CTNNA2: variants seen among roughly 807,000 people sequenced by gnomAD.
CTNNA2 encodes the protein catenin alpha-2.
Under a neutral mutation model 101.0 loss-of-function variants are expected in CTNNA2, and 42 were observed. That is an observed-to-expected ratio of 0.42 (90% CI 0.32 to 0.54). CTNNA2 has a LOEUF of 0.54. CTNNA2 is among the 20% of genes least tolerant of loss of function. CTNNA2 has a pLI of 0.14. For synonymous variants in CTNNA2, 450 were observed against 456.4 expected, an observed-to-expected ratio of 0.99 and a Z score of 0.18; for missense variants, 871 against 1,223.1, an observed-to-expected ratio of 0.71 and a Z score of 4.29.
intron 1 of CTNNA2, among the ~76,000 whole-genome samples, chr2:79,584,059 A>G (rs2103924293): frequency 6.6e-6 from 1 of 152,218 alleles, no homozygotes; most frequent in African/African-American, 2.4e-5. Flanking sequence ...TGAATGTCTG[A>G]TTGACATTGT....
At chr2:79,839,715 T>C (rs1167651645) in intron 3 of CTNNA2, among the ~76,000 whole-genome samples, 2 of 152,114 alleles carry the variant, frequency 1.3e-5, no homozygotes, top group Non-Finnish European at 2.9e-5. Flanking sequence ...CCTTTGAGAT[T>C]TTATTTCTAT....
chr2:80,587,480 C>A (rs72823776), intron 14 of CTNNA2, among the ~76,000 whole-genome samples: 1,933 of 152,064 alleles, frequency 0.013, 27 homozygotes, highest in Non-Finnish European at 0.022. Flanking sequence ...AATTTGCTGC[C>A]CACCATCACC....
At chr2:79,349,582 A>C (rs1455799693) in intron 3 of CTNNA2, among the ~76,000 whole-genome samples, 3 of 152,228 alleles carry the variant, frequency 2.0e-5, no homozygotes, top group Non-Finnish European at 4.4e-5. Context: ...TTAACATTCT[A>C]TAGATTAGAT....
Position 79,488,824 on chromosome 2 carries a change from C to T in CTNNA2, c.-134-16230C>T, listed in dbSNP as rs140694668. Among the ~76,000 whole-genome samples the T allele has an allele frequency of 3.3e-3, 509 of 152,274 alleles. 6 individuals carry two copies. The highest frequency in any genetic ancestry group is 0.011 in the African/African-American group (456 of 41,560). ...TCCTCAGAAAGCCTCTCCTGTCTGT[C>T]CTTTCACTAGATTTTGGGCCTACAT... On this transcript the variant is annotated intron_variant, in intron 4 of 21. Transcript: ENST00000466387.
chr2:79,556,839 T>C (rs1573336181), intron 1 of CTNNA2, among the ~76,000 whole-genome samples: 2 of 151,982 alleles, frequency 1.3e-5, no homozygotes, highest in East Asian at 3.9e-4. Flanking sequence ...TTGCAGACAG[T>C]CAATATAAGA....
chr2:80,608,081 G>A, intron 16 of CTNNA2, 103 bp from the exon 17 acceptor site: 1 of 1,046,794 alleles, frequency 9.6e-7, no homozygotes, highest in Non-Finnish European at 1.4e-6. Context: ...ATGTAATTAA[G>A]GTATATGACA....
intron 9 of CTNNA2, among the ~76,000 whole-genome samples, chr2:80,495,196 A>G (rs1687355679): frequency 6.6e-6 from 1 of 152,228 alleles, no homozygotes; most frequent in Non-Finnish European, 1.5e-5. Flanking sequence ...TCAGGGAGCC[A>G]GCTCCTGAAC....
chr2:80,217,330 C>T (rs1294418754), intron 7 of CTNNA2, among the ~76,000 whole-genome samples: 2 of 152,044 alleles, frequency 1.3e-5, no homozygotes, highest in African/African-American at 4.8e-5. Flanking sequence ...TCCTCTTCAT[C>T]AGGAACCCAG....
chr2:79,871,142 G>A (rs1039890823), intron 5 of CTNNA2, among the ~76,000 whole-genome samples: 3 of 151,956 alleles, frequency 2.0e-5, no homozygotes, highest in African/African-American at 7.3e-5. Context: ...AAACATTTTG[G>A]GCCATTCGTA....
At chr2:80,399,288 G>A (rs1678339645) in intron 8 of CTNNA2, among the ~76,000 whole-genome samples, 1 of 152,046 alleles carries the variant, frequency 6.6e-6, no homozygotes, top group Non-Finnish European at 1.5e-5. Flanking sequence ...TAGTCATTAG[G>A]CCAAGTCCAA....
At chr2:80,070,472 T>G (rs558324701) in intron 7 of CTNNA2, among the ~76,000 whole-genome samples, 47 of 152,240 alleles carry the variant, frequency 3.1e-4, no homozygotes, top group African/African-American at 1.1e-3. Context: ...CTTTGGGAGC[T>G]GAGGCGGGAG....
intron 17 of CTNNA2, among the ~76,000 whole-genome samples, chr2:80,608,930 G>T (rs1698242379): frequency 6.6e-6 from 1 of 151,700 alleles, no homozygotes; most frequent in Admixed American, 6.6e-5. Flanking sequence ...TAATTATCTG[G>T]TCCATTTTTA....
At chr2:80,615,014 G>A (rs1475287501) in intron 17 of CTNNA2, among the ~76,000 whole-genome samples, 4 of 151,210 alleles carry the variant, frequency 2.6e-5, no homozygotes, top group Admixed American at 2.6e-4. Flanking sequence ...GCTTACCCCA[G>A]GAATTCCTGG....
At chr2:79,187,997 C>A (rs980959779) in intron 1 of CTNNA2, among the ~76,000 whole-genome samples, 1 of 151,986 alleles carries the variant, frequency 6.6e-6, no homozygotes, top group Non-Finnish European at 1.5e-5. Flanking sequence ...AGATCATAAG[C>A]CCAGTTAACA....
At chr2:80,196,768 C>T (rs1015572489) in intron 7 of CTNNA2, among the ~76,000 whole-genome samples, 2 of 152,154 alleles carry the variant, frequency 1.3e-5, no homozygotes, top group African/African-American at 4.8e-5. Context: ...TCTGTTCTCT[C>T]GTTTGCCAGC....
In CTNNA2 at chr2:80,280,465, C is replaced by T. The variant is rs559548136; in HGVS notation, c.1057-112746C>T. Among the ~76,000 whole-genome samples, 3 of 151,778 alleles carry T rather than the reference C, an allele frequency of 2.0e-5. No individual in the cohort carries two copies. The East Asian group carries it at 6.0e-4, about 31-fold the overall frequency. Reference sequence around the variant, plus strand: ...GAGCCCTTTAGAGAATGGTACATTTCAATCAAATATTTCAGGCCAGTGGCA... The same window carrying T: ...GAGCCCTTTAGAGAATGGTACATTTTAATCAAATATTTCAGGCCAGTGGCA... On this transcript the variant is annotated intron_variant, in intron 7 of 18. Coordinates refer to ENST00000402739, the MANE Select transcript of CTNNA2 (RefSeq NM_001282597.3).
intron 1 of CTNNA2, among the ~76,000 whole-genome samples, chr2:79,620,624 G>T (rs192787607): frequency 6.6e-6 from 1 of 152,162 alleles, no homozygotes; most frequent in African/African-American, 2.4e-5. Context: ...GATTTCTAAG[G>T]ACCCTGAGTC....
At chr2:79,850,297 TCCC>T (rs369094765) in intron 3 of CTNNA2, among the ~76,000 whole-genome samples, 9 of 61,792 alleles carry the variant, frequency 1.5e-4, no homozygotes, top group African/African-American at 5.8e-4. Flanking sequence ...CCTCCCTCCC[TCCC>T]CCCTCCCTTC....
At chr2:80,409,086 T>G (rs1183846984) in intron 8 of CTNNA2, among the ~76,000 whole-genome samples, 1 of 152,134 alleles carries the variant, frequency 6.6e-6, no homozygotes, top group Non-Finnish European at 1.5e-5. Flanking sequence ...CCCTTCCAAA[T>G]ACGCAGAAAA....
Sources: allele counts gnomAD v4.1 joint callset (sites outside exome capture counted in the v4.1 genomes callset), GRCh38; gene constraint gnomAD v4.1.1; transcripts MANE v1.5; gene names NCBI Gene and HGNC (gene_info 2026-07-23, HGNC 2026-07-21).